The following DNAI3 variants were observed in gnomAD, a reference collection of about 807,000 sequenced individuals.
DNAI3 encodes WD repeat domain 63.
Under a neutral mutation model 115.5 loss-of-function variants are expected in DNAI3, and 83 were observed. The observed-to-expected ratio is 0.72, with a 90% CI of 0.60 to 0.86. DNAI3 has a LOEUF of 0.86. Ranked by LOEUF, DNAI3 falls within the 40% of genes least tolerant of loss-of-function variation. DNAI3 has a pLI of 0.00. For synonymous variants in DNAI3, 320 were observed against 347.0 expected, an observed-to-expected ratio of 0.92 and a Z score of 0.86; for missense variants, 1,004 against 1,075.8, an observed-to-expected ratio of 0.93 and a Z score of 0.93.
intron 3 of DNAI3, among the ~76,000 whole-genome samples, chr1:85,076,088 A>G (rs1234724999): frequency 6.6e-6 from 1 of 152,148 alleles, no homozygotes; most frequent in Non-Finnish European, 1.5e-5. Flanking sequence ...TTCAGCTTCT[A>G]GAGGCCACTG....
intron 16 of DNAI3, among the ~76,000 whole-genome samples, chr1:85,115,637 C>T (rs1026327705): frequency 6.6e-6 from 1 of 151,848 alleles, no homozygotes; most frequent in Non-Finnish European, 1.5e-5. Flanking sequence ...CTATCATAGC[C>T]TTCCCCAACC....
At chr1:85,084,730 T>A (rs773058632) in intron 6 of DNAI3, 35 bp downstream of exon 6, 2 of 1,386,220 alleles carry the variant, frequency 1.4e-6, no homozygotes, top group Non-Finnish European at 1.9e-6. Context: ...AATCATTACC[T>A]CCCTGTAGCT....
chr1:85,099,144 G>C (rs1231383239), intron 13 of DNAI3: 1 of 627,876 alleles, frequency 1.6e-6, no homozygotes, highest in Admixed American at 6.3e-5. Context: ...TTCTGCACTG[G>C]TGTTTGTCTT....
At chr1:85,102,145 T>C (rs1655346298) in intron 13 of DNAI3, among the ~76,000 whole-genome samples, 1 of 152,170 alleles carries the variant, frequency 6.6e-6, no homozygotes, top group African/African-American at 2.4e-5. Context: ...GACAGATTAG[T>C]AGGGTGACTA....
intron 20 of DNAI3, among the ~76,000 whole-genome samples, chr1:85,127,419 T>C (rs1557728488): frequency 6.6e-6 from 1 of 152,164 alleles, no homozygotes; most frequent in Non-Finnish European, 1.5e-5. Context: ...TTTTATTTTA[T>C]TTTTTTGCAG....
chr1:85,098,807 C>G, intron 13 of DNAI3, 149 bp downstream of exon 13: 2 of 1,159,222 alleles, frequency 1.7e-6, no homozygotes, highest in South Asian at 2.8e-5. Context: ...TTACTGTTGC[C>G]AGACCAGTAT....
intron 1 of DNAI3, 30 bp from the exon 2 acceptor site, chr1:85,071,898 A>C: frequency 6.3e-7 from 1 of 1,577,598 alleles, no homozygotes; most frequent in Non-Finnish European, 8.6e-7. Flanking sequence ...AATTGTAACA[A>C]TTTACTAATA....
intron 19 of DNAI3, among the ~76,000 whole-genome samples, chr1:85,125,256 A>G (rs1026945909): frequency 3.9e-5 from 6 of 152,114 alleles, no homozygotes; most frequent in Admixed American, 2.0e-4. Flanking sequence ...ATATATATGT[A>G]TATATGCATA....
chr1:85,073,832 G>C (rs1334987872), intron 3 of DNAI3, among the ~76,000 whole-genome samples: 1 of 152,200 alleles, frequency 6.6e-6, no homozygotes, highest in Non-Finnish European at 1.5e-5. Context: ...CTGAAGCAGA[G>C]AGACTAGTTA....
chr1:85,077,623 CTAATCT>C (rs1014552275), intron 3 of DNAI3, among the ~76,000 whole-genome samples: 1 of 151,824 alleles, frequency 6.6e-6, no homozygotes, highest in African/African-American at 2.4e-5. Context: ...AAAAAGCAAA[CTAATCT>C]ATAGTGACAA....
chr1:85,125,290 ATGTG>A (rs1035819611), intron 19 of DNAI3, among the ~76,000 whole-genome samples: 1 of 152,088 alleles, frequency 6.6e-6, no homozygotes, highest in Non-Finnish European at 1.5e-5. Context: ...TTTGAAATAC[ATGTG>A]TGTATGTACA....
Position 85,093,464 on chromosome 1 carries a change from A to C in DNAI3, c.864A>C (p.Glu288Asp). The change falls in exon 9 of 23, where the codon GAA becomes GAC. Residue 288 changes from glutamate to aspartate, a missense_variant. By Grantham distance (45) the Glu-to-Asp change is conservative (BLOSUM62 2). This residue lies in a region of DNAI3 where 550 missense variants were observed against 568.1 expected (regional missense o/e 0.97). Coordinates refer to ENST00000294664, the MANE Select transcript of DNAI3 (RefSeq NM_145172.5). ...DFLNNASISV[E>D]IALQQNEIMN... ...TTTTATTTTTACAAATTAGTGTTGAAATAGCCCTGCAGCAAAATGAAATCA... is the reference window on the plus strand; with the variant it reads ...TTTTATTTTTACAAATTAGTGTTGACATAGCCCTGCAGCAAAATGAAATCA... 1 of 1,613,722 alleles carries C rather than the reference A, an allele frequency of 6.2e-7. No homozygotes were observed. The highest frequency in any genetic ancestry group is 8.5e-7 in the Non-Finnish European group (1 of 1,179,896).
Position 85,097,788 on chromosome 1 carries a change from A to C in DNAI3, c.1350+133A>C, listed in dbSNP as rs974851422. The C allele has an allele frequency of 3.8e-6, 3 of 786,982 alleles. No homozygotes were observed. The African/African-American group carries it at 5.4e-5, about 14-fold the overall frequency. 48.7% of individuals were successfully genotyped at this position (786,982 alleles called of 1,614,324 possible). A position where few individuals can be genotyped will look rare whatever the true frequency, so the allele number is the denominator to read the frequency against. ...AAAAAAAAAAGAATGTTATTTCCCA[A>C]GCCTTCACCTGTGCTTGTGAACATG... On this transcript the variant is annotated intron_variant, in intron 12 of 22. Coordinates refer to ENST00000294664, the MANE Select transcript of DNAI3 (RefSeq NM_145172.5).
rs59205168 is a variant in DNAI3, at chr1:85,084,277, T to TATATATATATAC, written c.391-268_391-267insTATATATATACA. ...ATATATATATATATATATATATATA[T>TATATATATATAC]ACACATCCATATGTAGAGATGTGTA... On this transcript the variant is annotated intron_variant, in intron 5 of 22. Coordinates refer to ENST00000294664, the MANE Select transcript of DNAI3 (RefSeq NM_145172.5). Among the ~76,000 whole-genome samples, 512 of 128,426 alleles carry TATATATATATAC rather than the reference T, an allele frequency of 4.0e-3. 4 individuals carry two copies. The highest frequency in any genetic ancestry group is 0.011 in the South Asian group (41 of 3,902). The allele number at this position is 128,426 out of a possible 152,430, so 84.3% of individuals were successfully genotyped here.
chr1:85,068,253 T>C (rs762250966), intron 1 of DNAI3, among the ~76,000 whole-genome samples: 2 of 152,164 alleles, frequency 1.3e-5, no homozygotes, highest in Non-Finnish European at 2.9e-5. Context: ...ATACCTTCAG[T>C]TGAACTCCTG....
intron 13 of DNAI3, among the ~76,000 whole-genome samples, chr1:85,103,948 G>T (rs755398969): frequency 8.8e-5 from 13 of 148,558 alleles, no homozygotes; most frequent in Non-Finnish European, 1.6e-4. Flanking sequence ...GAATATATAG[G>T]TAAATGTTCA....
chr1:85,063,487 G>A (rs987072991), intron 1 of DNAI3, among the ~76,000 whole-genome samples: 2 of 152,192 alleles, frequency 1.3e-5, no homozygotes, highest in African/African-American at 4.8e-5. Flanking sequence ...ATACTTATGT[G>A]AGTTCAGACT....
In DNAI3 at chr1:85,110,080, C is replaced by T. The variant is rs74095803; in HGVS notation, c.1731C>T (p.Asp577=). ...VRLSKGETSL[D]HCPTKISLNE... ...TGTCCAAGGGTGAAACAAGTTTAGA[C>T]CACTGTCCAACCAAGATAAGCCTGA... is the stretch of plus-strand genomic sequence containing the variant. Residue 577 remains aspartate (D), a synonymous_variant, in exon 16 of 23, where the codon GAC becomes GAT. Transcript: ENST00000294664. 1,408 of 1,613,586 alleles carry T rather than the reference C, an allele frequency of 8.7e-4. 11 individuals are homozygous for T. In the African/African-American group the frequency reaches 0.017, roughly 20 times the overall value.
At chr1:85,095,710 C>T (rs1655103183) in intron 10 of DNAI3, among the ~76,000 whole-genome samples, 1 of 152,174 alleles carries the variant, frequency 6.6e-6, no homozygotes, top group South Asian at 2.1e-4. Context: ...ACCTGGGTCC[C>T]CTTGAGAACA....
Sources: allele counts gnomAD v4.1 joint callset (sites outside exome capture counted in the v4.1 genomes callset), GRCh38; gene constraint gnomAD v4.1.1; regional missense constraint gnomAD v4.1.1; transcripts MANE v1.5; gene names NCBI Gene and HGNC (gene_info 2026-07-23, HGNC 2026-07-21).